The following TBXAS1 variants were observed in gnomAD, a reference collection of about 807,000 sequenced individuals.
The protein encoded by TBXAS1 is thromboxane A synthase 1, also known as thromboxane-A synthase.
TBXAS1 carries 48 observed loss-of-function variants against 60.7 expected under a neutral mutation model. The ratio of observed to expected loss-of-function variants is 0.79; its 90% confidence interval spans 0.63 to 1.01. The LOEUF (loss-of-function observed/expected upper bound fraction) is 1.01, where lower values mean the gene tolerates loss of function less well. Ranked by LOEUF, TBXAS1 falls within the 50% of genes least tolerant of loss-of-function variation. The pLI is 0.00. For missense variants in TBXAS1, 685 were observed against 686.3 expected (o/e 1.00, Z 0.02); for synonymous variants, 287 against 269.7 (o/e 1.06, Z -0.63).
At chr7:139,843,327 TA>T (rs1358111004) in intron 1 of TBXAS1, among the ~76,000 whole-genome samples, 1 of 49,250 alleles carries the variant, frequency 2.0e-5, no homozygotes, top group Non-Finnish European at 3.6e-5. Context: ...TTACTTTATT[TA>T]TTTATTTATT....
At chr7:139,811,501 A>G (rs925005617) in intron 4 of TBXAS1, among the ~76,000 whole-genome samples, 1 of 152,240 alleles carries the variant, frequency 6.6e-6, no homozygotes, top group African/African-American at 2.4e-5. Context: ...GTCTTTGATG[A>G]TTCTGGACTA....
chr7:139,827,544 G>GT (rs1427158476), upstream of TBXAS1, among the ~76,000 whole-genome samples: 1 of 152,076 alleles, frequency 6.6e-6, no homozygotes, highest in Non-Finnish European at 1.5e-5. Flanking sequence ...TTTTGCTTTT[G>GT]TTTTTTAACT....
chr7:139,951,046 C>G (rs993464625), intron 5 of TBXAS1, among the ~76,000 whole-genome samples: 43 of 152,200 alleles, frequency 2.8e-4, no homozygotes, highest in Non-Finnish European at 5.9e-4. Context: ...AGCCGGCCAG[C>G]TGTCCCACTC....
intron 1 of TBXAS1, among the ~76,000 whole-genome samples, chr7:139,830,293 T>C (rs1798622124): frequency 6.6e-6 from 1 of 152,170 alleles, no homozygotes; most frequent in Non-Finnish European, 1.5e-5. Flanking sequence ...AATGGAGGAC[T>C]GGAGTCCGAA....
rs1444986050 is a variant in TBXAS1 at position 139,927,210 on chromosome 7, C to T, written c.334-8981C>T. Reference sequence around the variant, plus strand: ...ACAGGATTTCACCATGTTAGCCAGGCTGGTCTCAAACTCCTGGCCTCAAGT... The same window carrying T: ...ACAGGATTTCACCATGTTAGCCAGGTTGGTCTCAAACTCCTGGCCTCAAGT... On this transcript the variant is annotated intron_variant, in intron 4 of 12. Coordinates refer to ENST00000448866, the MANE Select transcript of TBXAS1 (RefSeq NM_001061.7). Among the ~76,000 whole-genome samples, 4 of 150,554 alleles carry T rather than the reference C, an allele frequency of 2.7e-5. No homozygotes were observed. The South Asian group carries it at 6.3e-4, about 24-fold the overall frequency.
chr7:139,905,043 C>G (rs1471292398), intron 3 of TBXAS1, among the ~76,000 whole-genome samples: 1 of 85,746 alleles, frequency 1.2e-5, no homozygotes, highest in Non-Finnish European at 2.2e-5. Flanking sequence ...TTCTTTCTTT[C>G]TTTCTTTCTT....
rs149022274 is a variant in TBXAS1, at chr7:139,854,250, C to T, written c.90-17985C>T. Among the ~76,000 whole-genome samples, 40 of 152,152 alleles carry T rather than the reference C, an allele frequency of 2.6e-4. No individual in the cohort carries two copies. The East Asian group carries it at 3.3e-3, about 13-fold the overall frequency. The stretch of plus-strand genomic sequence containing the variant: ...GAAAAGCCTGGGAAAAAGCCCAGAA[C>T]GGTGAAACGACATGGCGTAACTAGG... On this transcript the variant is annotated intron_variant, in intron 1 of 12. Transcript: ENST00000448866.
At chr7:139,782,663 C>G (rs905637860) in intron 2 of TBXAS1, 1 of 152,182 alleles carries the variant, frequency 6.6e-6, no homozygotes, top group Non-Finnish European at 1.5e-5. Context: ...ATTTTCCTGA[C>G]AGCTCTTTAT....
At chr7:139,947,091 C>T (rs1234262756) in intron 5 of TBXAS1, among the ~76,000 whole-genome samples, 1 of 152,130 alleles carries the variant, frequency 6.6e-6, no homozygotes, top group Non-Finnish European at 1.5e-5. Flanking sequence ...AGAATTCACT[C>T]TGTTGCCCTC....
chr7:139,816,997 T>C (rs963598802), intron 4 of TBXAS1, among the ~76,000 whole-genome samples: 24 of 152,228 alleles, frequency 1.6e-4, no homozygotes, highest in Middle Eastern at 3.4e-3. Context: ...ATTTGCAGAG[T>C]CAGGGTTTAG....
At chr7:139,926,514 C>A (rs1431107530) in intron 4 of TBXAS1, among the ~76,000 whole-genome samples, 1 of 151,932 alleles carries the variant, frequency 6.6e-6, no homozygotes, top group Non-Finnish European at 1.5e-5. Context: ...TTACTTGAGC[C>A]TTCTTTCTTT....
chr7:139,979,293 A>G (rs568828052), intron 9 of TBXAS1, among the ~76,000 whole-genome samples: 1 of 152,318 alleles, frequency 6.6e-6, no homozygotes, highest in African/African-American at 2.4e-5. Flanking sequence ...ACGACATTAG[A>G]GCGAATAAAT....
At chr7:139,947,933 TG>T (rs1808871522) in intron 5 of TBXAS1, among the ~76,000 whole-genome samples, 1 of 151,888 alleles carries the variant, frequency 6.6e-6, no homozygotes, top group Admixed American at 6.6e-5. Context: ...GGCGTGATCT[TG>T]GCTCACTGCA....
chr7:139,985,412 G>A lies in TBXAS1; in HGVS notation c.1135-21679G>A, dbSNP rs150304278. On this transcript the variant is annotated intron_variant, in intron 9 of 12. Coordinates refer to ENST00000448866, the MANE Select transcript of TBXAS1 (RefSeq NM_001061.7). Reference sequence around the variant, plus strand: ...TGGTGTGGAGTACAGAGCGGTAGCCGCTGCCCTGTTATCAGCTGCTTCCAA... The same window carrying A: ...TGGTGTGGAGTACAGAGCGGTAGCCACTGCCCTGTTATCAGCTGCTTCCAA... Among the ~76,000 whole-genome samples, 623 of 152,298 alleles carry A rather than the reference G, an allele frequency of 4.1e-3. 5 individuals are homozygous for A. Among genetic ancestry groups the A allele is most frequent in the African/African-American group, 0.014 (580 of 41,560 alleles).
intron 12 of TBXAS1, among the ~76,000 whole-genome samples, 199 bp from the exon 13 acceptor site, chr7:140,019,826 G>A (rs1037231847): frequency 6.6e-6 from 1 of 152,196 alleles, no homozygotes; most frequent in African/African-American, 2.4e-5. Flanking sequence ...TCAGTTACTG[G>A]CCAGAACTGG....
chr7:140,007,799 AC>A (rs1814207740), intron 10 of TBXAS1, among the ~76,000 whole-genome samples: 1 of 152,172 alleles, frequency 6.6e-6, no homozygotes, highest in African/African-American at 2.4e-5. Flanking sequence ...TTGAGCTGTA[AC>A]TATACACTTC....
In TBXAS1 at chr7:139,953,419, C is replaced by T. The variant is rs373695119; in HGVS notation, c.502C>T (p.Arg168Cys). 55 of 1,614,066 alleles carry T rather than the reference C, an allele frequency of 3.4e-5. No homozygotes were observed. Among genetic ancestry groups the T allele is most frequent in the African/African-American group, 1.1e-4 (8 of 74,938 alleles). Residue 168 changes from arginine (R) to cysteine (C), a missense_variant, in exon 6 of 13, where the codon CGC becomes TGC. Arg to Cys is a radical substitution (Grantham distance 180). Coordinates refer to ENST00000448866, the MANE Select transcript of TBXAS1 (RefSeq NM_001061.7). ...ACDLLLAHLK[R>C]YAESGDAFDI... is the part of the protein sequence containing the mutation. ...CGACCTTCTCCTGGCTCATTTAAAA[C>T]GCTATGCGGAATCTGGGGACGCATT... is the stretch of plus-strand genomic sequence containing the variant.
intron 1 of TBXAS1, among the ~76,000 whole-genome samples, chr7:139,839,676 C>CAAAAA (rs1297739214): frequency 4.5e-5 from 4 of 89,292 alleles, no homozygotes; most frequent in Non-Finnish European, 9.8e-5. Flanking sequence ...CTGCTTCTAC[C>CAAAAA]AAAAAAAAAA....
At chr7:139,882,295 C>T (rs1482602936) in intron 3 of TBXAS1, among the ~76,000 whole-genome samples, 2 of 152,196 alleles carry the variant, frequency 1.3e-5, no homozygotes, top group Non-Finnish European at 2.9e-5. Flanking sequence ...ATACACTGGG[C>T]TTGAACATGT....
Sources: allele counts gnomAD v4.1 joint callset (sites outside exome capture counted in the v4.1 genomes callset), GRCh38; gene constraint gnomAD v4.1.1; transcripts MANE v1.5; gene names NCBI Gene and HGNC (gene_info 2026-07-23, HGNC 2026-07-21).